The following ENPEP variants were observed in gnomAD, a reference collection of about 807,000 sequenced individuals.
ENPEP encodes AP-A.
Under a neutral mutation model 114.5 loss-of-function variants are expected in ENPEP, and 103 were observed. The ratio of observed to expected loss-of-function variants is 0.90; its 90% CI spans 0.77 to 1.06. The LOEUF (loss-of-function observed/expected upper bound fraction) is 1.06, where lower values mean the gene tolerates loss of function less well. Among genes scored for constraint, ENPEP ranks in the 50% least tolerant of loss-of-function variants. The probability of loss-of-function intolerance (pLI) is 0.00; values close to 1 mark genes in which losing one functional copy is unlikely to be tolerated. For missense variants in ENPEP, 1,196 were observed against 1,161.3 expected (o/e 1.03, Z -0.43); for synonymous variants, 420 against 422.0 (o/e 1.00, Z 0.06).
Position 110,553,421 on chromosome 4 carries a change from T to C in ENPEP, c.2608T>C (p.Trp870Arg), listed in dbSNP as rs1345017663. 6.2e-7 allele frequency: 1 copy of C among 1,610,966 alleles called. No homozygotes were observed. The highest frequency in any genetic ancestry group is 8.5e-7 in the Non-Finnish European group (1 of 1,178,000). The change falls in exon 18 of 20, where the codon TGG becomes CGG. Residue 870 changes from tryptophan to arginine, a missense_variant. Trp to Arg is a moderately radical substitution (Grantham distance 101). Transcript: ENST00000265162. ...NSYGKNMAWN[W>R]IQLNWDYLVN... The stretch of plus-strand genomic sequence containing the variant: ...CTATGGGAAGAACATGGCCTGGAAT[T>C]GGATACAACTCAACTGGGACTATCT...
chr4:110,536,472 T>C (rs1726631740), intron 11 of ENPEP, among the ~76,000 whole-genome samples: 1 of 152,170 alleles, frequency 6.6e-6, no homozygotes, highest in Admixed American at 6.5e-5. Context: ...GGCCTAGAAG[T>C]GCATCTATTA....
chr4:110,482,176 A>G (rs1194298119), intron 1 of ENPEP, among the ~76,000 whole-genome samples: 4 of 152,232 alleles, frequency 2.6e-5, no homozygotes, highest in African/African-American at 9.6e-5. Context: ...TATTGCAGCA[A>G]TCCAGGAAAG....
chr4:110,552,711 A>G (rs897966476), intron 17 of ENPEP, among the ~76,000 whole-genome samples: 1 of 152,048 alleles, frequency 6.6e-6, no homozygotes, highest in Non-Finnish European at 1.5e-5. Flanking sequence ...TAGAAACGCT[A>G]CTCTAGGTAT....
At chr4:110,554,647 G>A (rs1291946006) in intron 18 of ENPEP, among the ~76,000 whole-genome samples, 1 of 151,964 alleles carries the variant, frequency 6.6e-6, no homozygotes, top group African/African-American at 2.4e-5. Context: ...TTAAGAATAT[G>A]TTATTATCTA....
In ENPEP at chr4:110,549,528, G is replaced by C. The variant is rs182927441; in HGVS notation, c.2226G>C (p.Lys742Asn). ...GATTTGTGTTTGTTTGTTTTTTAAG[G>C]TTACTCCGTTCCTCCGTGTTAGGGT... ...GWNDAGDHVTKLLRSSVLGFA... is the reference protein window; with the variant it reads ...GWNDAGDHVTNLLRSSVLGFA... The change falls in exon 16 of 20, where the codon AAG becomes AAC. Residue 742 changes from lysine (K) to asparagine (N), a missense_variant and splice_region_variant. Lys to Asn is a moderately conservative substitution (Grantham distance 94). Coordinates refer to ENST00000265162, the MANE Select transcript of ENPEP (RefSeq NM_001977.4). 17 of 1,613,266 alleles carry C rather than the reference G, an allele frequency of 1.1e-5. No homozygotes were observed. Among genetic ancestry groups the C allele is most frequent in the Admixed American group, 5.0e-5 (3 of 59,874 alleles).
chr4:110,532,950 GA>G (rs374875517), intron 11 of ENPEP: 420 of 235,872 alleles, frequency 1.8e-3, no homozygotes, highest in South Asian at 3.9e-3. Context: ...GGAGAAGACA[GA>G]AAAAAAAAAG....
At chr4:110,517,896 A>G (rs1454294808) in intron 8 of ENPEP, among the ~76,000 whole-genome samples, 1 of 152,232 alleles carries the variant, frequency 6.6e-6, no homozygotes, top group Non-Finnish European at 1.5e-5. Flanking sequence ...ACATAGTTCC[A>G]TAGTTCACAT....
At chr4:110,527,976 T>C (rs1016363921) in intron 10 of ENPEP, among the ~76,000 whole-genome samples, 1 of 152,212 alleles carries the variant, frequency 6.6e-6, no homozygotes, top group Non-Finnish European at 1.5e-5. Context: ...ACAATTTTAC[T>C]GCCAAGTGAA....
At chr4:110,530,141 A>G (rs1028454234) in intron 10 of ENPEP, among the ~76,000 whole-genome samples, 5 of 152,142 alleles carry the variant, frequency 3.3e-5, no homozygotes, top group Non-Finnish European at 7.4e-5. Flanking sequence ...AGTGTCCACT[A>G]TAAGGCCCAA....
Position 110,513,479 on chromosome 4 carries a change from A to C in ENPEP, c.1373A>C (p.His458Pro), listed in dbSNP as rs751050014. The change falls in exon 7 of 20, where the codon CAT becomes CCT. Residue 458 changes from histidine to proline, a missense_variant. By Grantham distance (77) the His-to-Pro change is moderately conservative. Transcript: ENST00000265162. ...GAGGATGATTCTTTGATGTCTTCGCATCCAATTATTGTGACTGTGACAACC... is the reference window on the plus strand; with the variant it reads ...GAGGATGATTCTTTGATGTCTTCGCCTCCAATTATTGTGACTGTGACAACC... ...VQEDDSLMSS[H>P]PIIVTVTTPD... 59 of 1,613,440 alleles carry C rather than the reference A, an allele frequency of 3.7e-5. No individual in the cohort carries two copies. Among genetic ancestry groups the C allele is most frequent in the Middle Eastern group, 3.3e-4 (2 of 6,080 alleles).
At chr4:110,506,614 AT>A in intron 3 of ENPEP, 22 bp from the exon 4 acceptor site, 2 of 1,575,798 alleles carry the variant, frequency 1.3e-6, no homozygotes, top group Admixed American at 1.9e-5. Flanking sequence ...TTTTCACTGA[AT>A]TTTTTGTGTT....
chr4:110,553,338 C>A lies in ENPEP; in HGVS notation c.2525C>A (p.Thr842Lys). Residue 842 changes from threonine to lysine, a missense_variant, in exon 18 of 20, where the codon ACG becomes AAG. Coordinates refer to ENST00000265162, the MANE Select transcript of ENPEP (RefSeq NM_001977.4). ...LSRYLDLLKD[T>K]NLIKTQDVFT... is the part of the protein sequence containing the mutation. The stretch of plus-strand genomic sequence containing the variant: ...AGGTATTTGGATTTGCTCAAGGACA[C>A]GAACCTTATTAAAACTCAGGATGTG... The A allele has an allele frequency of 6.2e-7, 1 of 1,600,784 alleles. No individual in the cohort carries two copies. The highest frequency in any genetic ancestry group is 8.5e-7 in the Non-Finnish European group (1 of 1,171,420).
rs1276995394 is a variant in ENPEP at position 110,553,417 on chromosome 4, G to A, written c.2604G>A (p.Trp868Ter). ...SYNSYGKNMA[W>*]NWIQLNWDYL... ...ACAGCTATGGGAAGAACATGGCCTG[G>A]AATTGGATACAACTCAACTGGGACT... The change falls in exon 18 of 20, where the codon TGG becomes TGA. Residue 868 changes from tryptophan (W) to a stop codon, truncating the protein, a stop_gained. Coordinates refer to ENST00000265162, the MANE Select transcript of ENPEP (RefSeq NM_001977.4). LOFTEE classifies it high-confidence loss of function. The A allele has an allele frequency of 3.7e-6, 6 of 1,610,916 alleles. No individual in the cohort carries two copies. The East Asian group carries it at 1.3e-4, about 36-fold the overall frequency.
chr4:110,488,681 CG>C lies in ENPEP; in HGVS notation c.786+1del, dbSNP rs1724594219. The C allele has an allele frequency of 1.2e-6, 2 of 1,606,444 alleles. No individual in the cohort carries two copies. The highest frequency in any genetic ancestry group is 4.5e-5 in the East Asian group (2 of 44,756). On this transcript the variant is annotated frameshift_variant and splice_region_variant, in exon 2 of 20. Coordinates refer to ENST00000265162, the MANE Select transcript of ENPEP (RefSeq NM_001977.4). LOFTEE classifies it high-confidence loss of function. ...GGAGCACTTTCAAATATGCCAGTGGCGGTAAGTATTTTTTAAATGTTTTGTT... is the reference window on the plus strand; with the variant it reads ...GGAGCACTTTCAAATATGCCAGTGGCGTAAGTATTTTTTAAATGTTTTGTT... Reference protein sequence around the residue: ...EYGALSNMPVAKEESVDDKWT... With the variant: ...EYGALSNMPVXKEESVDDKWT...
intron 7 of ENPEP, among the ~76,000 whole-genome samples, chr4:110,514,898 A>G (rs1725703644): frequency 1.3e-5 from 2 of 152,144 alleles, no homozygotes; most frequent in African/African-American, 4.8e-5. Context: ...TTATGTATCC[A>G]TGTATATTAA....
intron 5 of ENPEP, 112 bp from the exon 6 acceptor site, chr4:110,510,133 C>T: frequency 3.5e-6 from 3 of 859,562 alleles, no homozygotes; most frequent in South Asian, 3.3e-5. Flanking sequence ...ATGCCTGCCA[C>T]TTCTGTCACA....
At chr4:110,548,456 G>T in intron 14 of ENPEP, 130 bp downstream of exon 14, 1 of 660,612 alleles carries the variant, frequency 1.5e-6, no homozygotes, top group Non-Finnish European at 2.3e-6. Flanking sequence ...AAAAGAAAGT[G>T]CAATGACTTG....
In ENPEP at chr4:110,520,050, G is replaced by C; in HGVS notation, c.1552G>C (p.Asp518His). Residue 518 changes from aspartate to histidine, a missense_variant, in exon 9 of 20, where the codon GAT becomes CAT. Transcript: ENST00000265162. The part of the protein sequence containing the change: ...KYQFKNAKTS[D>H]FWAALEEASR... ...CCAATTCAAGAATGCAAAAACTTCTGATTTTTGGGCAGCACTGGAAGAGGT... is the reference window on the plus strand; with the variant it reads ...CCAATTCAAGAATGCAAAAACTTCTCATTTTTGGGCAGCACTGGAAGAGGT... 6.2e-7 allele frequency: 1 copy of C among 1,613,996 alleles called. No homozygotes were observed. The highest frequency in any genetic ancestry group is 8.5e-7 in the Non-Finnish European group (1 of 1,179,910).
intron 6 of ENPEP, 168 bp from the exon 7 acceptor site, chr4:110,513,247 C>A (rs1725643297): frequency 3.3e-6 from 2 of 597,384 alleles, no homozygotes; most frequent in Admixed American, 4.2e-5. Context: ...GGCATGAAAT[C>A]AATATAGCTC....
Sources: gnomAD v4.1 joint callset for allele counts (sites outside exome capture counted in the v4.1 genomes callset) on GRCh38, gnomAD v4.1.1 for gene constraint, MANE v1.5 for transcripts, NCBI Gene and HGNC (gene_info 2026-07-23, HGNC 2026-07-21) for gene names.